PLXNC1: variants seen among roughly 807,000 people sequenced by gnomAD.
PLXNC1 encodes plexin-C1.
Under a neutral mutation model 178.2 loss-of-function variants are expected in PLXNC1, and 75 were observed. The ratio of observed to expected loss-of-function variants is 0.42; its 90% CI spans 0.35 to 0.51. The LOEUF is 0.51. Among genes scored for constraint, PLXNC1 ranks in the 20% least tolerant of loss-of-function variants. PLXNC1 has a pLI of 0.02. For missense variants in PLXNC1, 1,503 were observed against 1,984.4 expected, an observed-to-expected ratio of 0.76 and a Z score of 4.61; for synonymous variants, 790 against 779.9, an observed-to-expected ratio of 1.01 and a Z score of -0.22.
chr12:94,171,098 C>T (rs886578762), intron 2 of PLXNC1, among the ~76,000 whole-genome samples: 20 of 152,206 alleles, frequency 1.3e-4, no homozygotes, highest in Admixed American at 8.5e-4. Context: ...AAGGAACACT[C>T]GTCTATAAAT....
In PLXNC1 at chr12:94,303,839, G is replaced by A; in HGVS notation, c.4470G>A (p.Arg1490=). 1.9e-6 allele frequency: 3 copies of A among 1,611,144 alleles called. No homozygotes were observed. Among genetic ancestry groups the A allele is most frequent in the Non-Finnish European group, 2.5e-6 (3 of 1,178,626 alleles). Residue 1490 remains arginine, a synonymous_variant, in exon 29 of 31, where the codon AGG becomes AGA. Transcript: ENST00000258526. ...EEVKSYYKAI[R]DLPPLSSSEM... ...TAAAATCTTATTACAAAGCAATCAG[G>A]GATTTGCCTCCATTGTCATCCTCAG...
At chr12:94,188,950 G>A (rs1262899762) in intron 4 of PLXNC1, among the ~76,000 whole-genome samples, 1 of 151,428 alleles carries the variant, frequency 6.6e-6, no homozygotes, top group Non-Finnish European at 1.5e-5. Flanking sequence ...AGGTGAGGGA[G>A]GAAGCACTGG....
intron 1 of PLXNC1, among the ~76,000 whole-genome samples, chr12:94,160,490 C>G (rs1018720685): frequency 2.0e-5 from 3 of 152,198 alleles, no homozygotes; most frequent in Non-Finnish European, 4.4e-5. Context: ...AAGCGTGTTA[C>G]CTAACACACC....
chr12:94,237,575 T>C, intron 9 of PLXNC1, 89 bp from the exon 10 acceptor site: 1 of 1,086,142 alleles, frequency 9.2e-7, no homozygotes, highest in Non-Finnish European at 1.3e-6. Context: ...CCCAGTGATT[T>C]CTTCGAACTG....
Position 94,149,312 on chromosome 12 carries a change from A to G in PLXNC1, c.341A>G (p.Glu114Gly). The change falls in exon 1 of 31, where the codon GAG (glutamate) becomes GGG (glycine). Residue 114 changes from glutamate to glycine, a missense_variant. This residue lies in a region of PLXNC1 where 176 missense variants were observed against 180.7 expected (regional missense o/e 0.97). Transcript: ENST00000258526. Reference protein sequence around the residue: ...SFSKLLLPYREGAAGLGGLLL... With the variant: ...SFSKLLLPYRGGAAGLGGLLL... ...AGCAAGCTGCTGCTGCCCTACCGCG[A>G]GGGGGCGGCCGGCCTCGGGGGGCTG... 2 of 1,460,348 alleles carry G rather than the reference A, an allele frequency of 1.4e-6. No homozygotes were observed. Among genetic ancestry groups the G allele is most frequent in the Non-Finnish European group, 1.8e-6 (2 of 1,116,040 alleles). 90.5% of individuals were successfully genotyped at this position (1,460,348 alleles called of 1,614,324 possible).
intron 12 of PLXNC1, among the ~76,000 whole-genome samples, chr12:94,244,956 G>A (rs1266338207): frequency 6.6e-6 from 1 of 152,150 alleles, no homozygotes; most frequent in Non-Finnish European, 1.5e-5. Context: ...TATGTGAGGT[G>A]GCTGCCTCTC....
intron 4 of PLXNC1, among the ~76,000 whole-genome samples, chr12:94,194,917 T>C (rs1352764136): frequency 6.6e-6 from 1 of 152,070 alleles, no homozygotes; most frequent in East Asian, 1.9e-4. Flanking sequence ...GTCCCTGAGG[T>C]TGGGAAAGGC....
rs1301290649 is a variant in PLXNC1, at chr12:94,227,130, G to A, written c.1894-19G>A. The A allele has an allele frequency of 4.6e-6, 7 of 1,507,444 alleles. No homozygotes were observed. The African/African-American group carries it at 5.5e-5, about 12-fold the overall frequency. 93.4% of individuals were successfully genotyped at this position (1,507,444 alleles called of 1,614,324 possible). A position where few individuals can be genotyped will look rare whatever the true frequency, so the allele number is the denominator to read the frequency against. ...ATTTACCACCCATCTGGATGTTGAAGGGATGTTCTCCATTCCAGGAACAGT... is the reference window on the plus strand; with the variant it reads ...ATTTACCACCCATCTGGATGTTGAAAGGATGTTCTCCATTCCAGGAACAGT... On this transcript the variant is annotated intron_variant, in intron 8 of 30. Transcript: ENST00000258526.
At chr12:94,170,132 G>T (rs1404103063) in intron 2 of PLXNC1, among the ~76,000 whole-genome samples, 1 of 152,160 alleles carries the variant, frequency 6.6e-6, no homozygotes, top group Non-Finnish European at 1.5e-5. Context: ...TCTCAGCTCA[G>T]ATTTTTAATC....
chr12:94,262,424 G>T lies in PLXNC1; in HGVS notation c.3450+1584G>T, dbSNP rs539767238. The T allele has an allele frequency of 8.9e-6, 8 of 903,602 alleles. No individual in the cohort carries two copies. In the East Asian group the frequency reaches 8.3e-4, roughly 94 times the overall value. The allele number at this position is 903,602 out of a possible 1,614,324, so 56.0% of individuals were successfully genotyped here. A position where few individuals can be genotyped will look rare whatever the true frequency, so the allele number is the denominator to read the frequency against. On this transcript the variant is annotated intron_variant, in intron 20 of 30. Coordinates refer to ENST00000258526, the MANE Select transcript of PLXNC1 (RefSeq NM_005761.3). ...GTGATTCTTAACTCTGAGCTTTCAA[G>T]GGCTGCTCTTGGGCATTAGAGGGGT...
chr12:94,297,037 AG>A, intron 24 of PLXNC1, 151 bp from the exon 25 acceptor site: 1 of 699,770 alleles, frequency 1.4e-6, no homozygotes. Flanking sequence ...AAGATGCAGC[AG>A]GGGGAAAAAT....
intron 2 of PLXNC1, among the ~76,000 whole-genome samples, chr12:94,170,766 A>T (rs1961813578): frequency 6.6e-6 from 1 of 152,178 alleles, no homozygotes; most frequent in Non-Finnish European, 1.5e-5. Context: ...AAACCCAGTA[A>T]CATATGGGAG....
In PLXNC1 at chr12:94,254,791, C is replaced by T. The variant is rs1592816174; in HGVS notation, c.2886C>T (p.Ala962=). ...PVLLVIVIFA[A]VGVTRHKSKE... ...TGCAGCATCTCTGTCTCTTAGCGGC[C>T]GTGGGGGTGACCAGGCACAAATCGA... Residue 962 remains alanine, a synonymous_variant, in exon 16 of 31, where the codon GCC becomes GCT. Coordinates refer to ENST00000258526, the MANE Select transcript of PLXNC1 (RefSeq NM_005761.3). 9.4e-6 allele frequency: 15 copies of T among 1,594,294 alleles called. No individual in the cohort carries two copies. Among genetic ancestry groups the T allele is most frequent in the East Asian group, 2.2e-5 (1 of 44,802 alleles).
chr12:94,303,212 C>T (rs985690884), intron 28 of PLXNC1, among the ~76,000 whole-genome samples: 1 of 152,090 alleles, frequency 6.6e-6, no homozygotes, highest in Non-Finnish European at 1.5e-5. Context: ...TACTAATGAC[C>T]ATGTGCTTCC....
At chr12:94,297,077 C>G in intron 24 of PLXNC1, 112 bp from the exon 25 acceptor site, 1 of 1,000,916 alleles carries the variant, frequency 1.0e-6, no homozygotes, top group Non-Finnish European at 1.5e-6. Flanking sequence ...AGTCAAAAAG[C>G]TCAAGTAACT....
At chr12:94,219,499 A>G (rs1054657915) in intron 5 of PLXNC1, among the ~76,000 whole-genome samples, 46 of 152,238 alleles carry the variant, frequency 3.0e-4, no homozygotes, top group African/African-American at 1.1e-3. Flanking sequence ...ATATTTGTCC[A>G]TAAGCTAGAG....
At chr12:94,262,255 GC>G (rs906471851) in intron 20 of PLXNC1, among the ~76,000 whole-genome samples, 13 of 152,226 alleles carry the variant, frequency 8.5e-5, no homozygotes, top group African/African-American at 3.1e-4. Context: ...GCAGGTCTGG[GC>G]TCTGGAACCA....
chr12:94,220,137 G>A lies in PLXNC1; in HGVS notation c.1676G>A (p.Ser559Asn), dbSNP rs371753668. 2.7e-5 allele frequency: 43 copies of A among 1,613,968 alleles called. No homozygotes were observed. The African/African-American group carries it at 5.3e-4, about 20-fold the overall frequency. ...CAGCCCAACCGGACCTGCACCTGTA[G>A]CATCCCAACCAGAGCAACCTACAAA... ...KSQPNRTCTC[S>N]IPTRATYKDV... Residue 559 changes from serine (S) to asparagine (N), a missense_variant, in exon 6 of 31, where the codon AGC (serine) becomes AAC (asparagine). Physicochemically the swap from Ser to Asn is conservative, Grantham distance 46. Transcript: ENST00000258526.
In PLXNC1 at chr12:94,222,976, G is replaced by A. The variant is rs182307464; in HGVS notation, c.1703-1252G>A. Among the ~76,000 whole-genome samples, 49 of 152,348 alleles carry A rather than the reference G, an allele frequency of 3.2e-4. 1 individual carries two copies. The highest frequency in any genetic ancestry group is 6.2e-4 in the South Asian group (3 of 4,826). ...TTTATGTGGAATTCTGACTTTCAGAGGGAGTGTTATTGCTGTGGAGAAGGA... is the reference window on the plus strand; with the variant it reads ...TTTATGTGGAATTCTGACTTTCAGAAGGAGTGTTATTGCTGTGGAGAAGGA... On this transcript the variant is annotated intron_variant, in intron 6 of 30. Transcript: ENST00000258526.
Sources: allele counts gnomAD v4.1 joint callset (sites outside exome capture counted in the v4.1 genomes callset), GRCh38; gene constraint gnomAD v4.1.1; regional missense constraint gnomAD v4.1.1; transcripts MANE v1.5; gene names NCBI Gene and HGNC (gene_info 2026-07-23, HGNC 2026-07-21).